SPTA1: variants seen among roughly 807,000 people sequenced by gnomAD.
The protein encoded by SPTA1 is spectrin alpha chain, erythrocytic 1.
Under a neutral mutation model 324.7 loss-of-function variants are expected in SPTA1, and 177 were observed. That is an observed-to-expected ratio of 0.55 (90% CI 0.48 to 0.62). The LOEUF is 0.62. Ranked by LOEUF, SPTA1 falls within the 20% of genes least tolerant of loss-of-function variation. The probability of loss-of-function intolerance (pLI) is 0.00; values close to 1 mark genes in which losing one functional copy is unlikely to be tolerated. For missense variants in SPTA1, 3,162 were observed against 2,883.6 expected (o/e 1.10, Z -2.21); for synonymous variants, 1,195 against 1,041.3 (o/e 1.15, Z -2.84).
intron 51 of SPTA1, 151 bp from the exon 52 acceptor site, chr1:158,611,540 A>C (rs1649261379): frequency 1.3e-6 from 1 of 771,666 alleles, no homozygotes. Context: ...TTATCTCATA[A>C]ATTTATAATT....
chr1:158,645,515 T>G lies in SPTA1; in HGVS notation c.3976A>C (p.Ile1326Leu), dbSNP rs769058671. Residue 1326 changes from isoleucine (I) to leucine (L), a missense_variant, in exon 28 of 52, where the codon ATC becomes CTC. Physicochemically the swap from Ile to Leu is conservative, Grantham distance 5. Coordinates refer to ENST00000643759, the MANE Select transcript of SPTA1 (RefSeq NM_003126.4). ...ELAEDLTGIE[I>L]LLERHQEHRA... is the part of the protein sequence containing the mutation. ...TTTACCTGATGTCTCTCCAGCAAGA[T>G]CTCTATGCCAGTTAAGTCTTCGGCC... 2.5e-6 allele frequency: 4 copies of G among 1,613,974 alleles called. No homozygotes were observed. Among genetic ancestry groups the G allele is most frequent in the Admixed American group, 1.7e-5 (1 of 59,988 alleles).
chr1:158,613,817 G>A lies in SPTA1; in HGVS notation c.6893C>T (p.Ser2298Phe). The change falls in exon 50 of 52, where the codon TCC becomes TTC. Residue 2298 changes from serine to phenylalanine, a missense_variant. Transcript: ENST00000643759. ...GTAGTAATTGAGTCCTCTCAGGCAGGACCGGAACTCTTTGTGAGTCAGGCG... is the reference window on the plus strand; with the variant it reads ...GTAGTAATTGAGTCCTCTCAGGCAGAACCGGAACTCTTTGTGAGTCAGGCG... The part of the protein sequence containing the change: ...TGRLTHKEFR[S>F]CLRGLNYYLP... 3 of 1,613,784 alleles carry A rather than the reference G, an allele frequency of 1.9e-6. No individual in the cohort carries two copies. The highest frequency in any genetic ancestry group is 2.5e-6 in the Non-Finnish European group (3 of 1,179,888).
At chr1:158,614,398 G>A in intron 48 of SPTA1, 92 bp from the exon 49 acceptor site, 2 of 943,198 alleles carry the variant, frequency 2.1e-6, no homozygotes, top group East Asian at 2.4e-5. Context: ...GAATTTTAAT[G>A]GACAATTTGC....
chr1:158,642,259 T>G (rs914948326), intron 33 of SPTA1, 152 bp downstream of exon 33: 7 of 750,584 alleles, frequency 9.3e-6, no homozygotes, highest in Non-Finnish European at 1.3e-5. Context: ...TGTATACATA[T>G]GTAACAAACC....
Position 158,686,649 on chromosome 1 carries a change from A to G in SPTA1, c.-132T>C. The G allele has an allele frequency of 1.4e-6, 1 of 721,328 alleles. No individual in the cohort carries two copies. Among genetic ancestry groups the G allele is most frequent in the East Asian group, 2.6e-5 (1 of 38,584 alleles). 44.7% of individuals were successfully genotyped at this position (721,328 alleles called of 1,614,324 possible). ...AACGTTAAGTATGTGGGGGAAAAAA[A>G]AAAACCTCTTGCTTGGTCCTAGAAT... On this transcript the variant is annotated 5_prime_UTR_variant, in exon 1 of 52. Coordinates refer to ENST00000643759, the MANE Select transcript of SPTA1 (RefSeq NM_003126.4).
intron 42 of SPTA1, 122 bp downstream of exon 42, chr1:158,626,024 G>T: frequency 1.3e-6 from 1 of 759,982 alleles, no homozygotes; most frequent in Non-Finnish European, 2.2e-6. Context: ...TTAATATTAA[G>T]AAGGGAAAAT....
intron 25 of SPTA1, 62 bp downstream of exon 25, chr1:158,649,794 G>T: frequency 7.7e-7 from 1 of 1,306,764 alleles, no homozygotes; most frequent in Non-Finnish European, 1.1e-6. Flanking sequence ...CATAGTAATA[G>T]ACTTAGAAGT....
Position 158,619,332 on chromosome 1 carries a change from T to C in SPTA1, c.6420A>G (p.Glu2140=). Residue 2140 remains glutamate, a splice_region_variant and synonymous_variant, in exon 45 of 52, where the codon GAA becomes GAG. Coordinates refer to ENST00000643759, the MANE Select transcript of SPTA1 (RefSeq NM_003126.4). ...TWKHLSDIIE[E]REQELQKEEA... ...CTTCCTTTTGCAGCTCCTGCTCCCGTTCCTAAAACCCCAAATCACAGACAA... is the reference window on the plus strand; with the variant it reads ...CTTCCTTTTGCAGCTCCTGCTCCCGCTCCTAAAACCCCAAATCACAGACAA... 1 of 1,614,088 alleles carries C rather than the reference T, an allele frequency of 6.2e-7. No individual in the cohort carries two copies. Among genetic ancestry groups the C allele is most frequent in the Non-Finnish European group, 8.5e-7 (1 of 1,179,938 alleles).
chr1:158,624,867 A>G (rs574924173), intron 42 of SPTA1, among the ~76,000 whole-genome samples: 28 of 152,352 alleles, frequency 1.8e-4, no homozygotes, highest in South Asian at 6.2e-4. Flanking sequence ...ATCAGGTAGG[A>G]GCAGCCCTGG....
chr1:158,663,134 C>T (rs567781390), intron 16 of SPTA1, among the ~76,000 whole-genome samples, 189 bp from the exon 17 acceptor site: 1 of 152,190 alleles, frequency 6.6e-6, no homozygotes, highest in South Asian at 2.1e-4. Context: ...CAGGTAAGGG[C>T]TATTCATACG....
rs142815524 is a variant in SPTA1 at position 158,643,105 on chromosome 1, A to G, written c.4443-129T>C. The G allele has an allele frequency of 6.4e-4, 874 of 1,375,680 alleles. 4 individuals carry two copies. In the East Asian group the frequency reaches 0.011, roughly 18 times the overall value. 85.2% of individuals were successfully genotyped at this position (1,375,680 alleles called of 1,614,324 possible). On this transcript the variant is annotated intron_variant, in intron 31 of 51. Coordinates refer to ENST00000643759, the MANE Select transcript of SPTA1 (RefSeq NM_003126.4). ...CACATAGTCTTATTATTTTCATTAT[A>G]AAATGCAGTGCTAAAGCCAGTTAAT...
chr1:158,661,526 A>T (rs960880945), intron 17 of SPTA1, 117 bp from the exon 18 acceptor site: 2 of 1,334,506 alleles, frequency 1.5e-6, no homozygotes, highest in Non-Finnish European at 2.1e-6. Flanking sequence ...CTAACCATTG[A>T]GTAAGATTCT....
chr1:158,674,562 A>T lies in SPTA1; in HGVS notation c.1226T>A (p.Leu409Gln). ...TACCTTATGCTGCTGATGCCTGTCC[A>T]GCAGAACTTCTCCACCAGCCACATC... ...PTDVAGGEVL[L>Q]DRHQQHKHEI... Residue 409 changes from leucine (L) to glutamine (Q), a missense_variant, in exon 9 of 52, where the codon CTG becomes CAG. Leu to Gln is a moderately radical substitution (Grantham distance 113). Coordinates refer to ENST00000643759, the MANE Select transcript of SPTA1 (RefSeq NM_003126.4). 1 of 1,614,088 alleles carries T rather than the reference A, an allele frequency of 6.2e-7. No homozygotes were observed. The highest frequency in any genetic ancestry group is 1.1e-5 in the South Asian group (1 of 91,084).
At position 158,627,194 on chromosome 1, in the gene SPTA1, G is replaced by A. The variant is rs186314050; in HGVS notation, c.5665-187C>T. ...TTTAATGGTCTTTATATAGCAGTTA[G>A]ATCAATGAGGATTTATTAAAAACTA... On this transcript the variant is annotated intron_variant, in intron 40 of 51. Coordinates refer to ENST00000643759, the MANE Select transcript of SPTA1 (RefSeq NM_003126.4). 4.6e-5 allele frequency among the ~76,000 whole-genome samples: 7 copies of A among 152,128 alleles called. No individual in the cohort carries two copies. The East Asian group carries it at 1.4e-3, about 29-fold the overall frequency.
At chr1:158,647,486 T>C in intron 27 of SPTA1, 53 bp downstream of exon 27, 11 of 1,601,988 alleles carry the variant, frequency 6.9e-6, no homozygotes, top group South Asian at 1.1e-5. Flanking sequence ...CCCAGACTGC[T>C]CCCAGACAGT....
At chr1:158,611,612 T>G in intron 51 of SPTA1, 1 of 471,480 alleles carries the variant, frequency 2.1e-6, no homozygotes, top group Non-Finnish European at 3.8e-6. Context: ...TTACTCACTT[T>G]GATTATTCTG....
rs1651041346 is a variant in SPTA1, at chr1:158,635,993, A to G, written c.5352T>C (p.Ala1784=). ...GCAACTGGATCTCCTCTTGCCCCAC[A>G]GCAGCCTTGTCTTTCAGCTTCTCTG... ...DMAEKLKDKA[A]VGQEEIQLRL... is the part of the protein sequence containing the mutation. Residue 1784 remains alanine (A), a synonymous_variant, in exon 38 of 52, where the codon GCT becomes GCC. Coordinates refer to ENST00000643759, the MANE Select transcript of SPTA1 (RefSeq NM_003126.4). The G allele has an allele frequency of 6.2e-7, 1 of 1,614,180 alleles. No individual in the cohort carries two copies. The highest frequency in any genetic ancestry group is 1.1e-5 in the South Asian group (1 of 91,090).
chr1:158,653,089 G>A (rs907245138), intron 22 of SPTA1, among the ~76,000 whole-genome samples, 185 bp downstream of exon 22: 2 of 152,136 alleles, frequency 1.3e-5, no homozygotes, highest in African/African-American at 4.8e-5. Context: ...GAATGATTCT[G>A]GGGTTGCCTT....
At position 158,669,104 on chromosome 1, in the gene SPTA1, G is replaced by T. The variant is rs2101907799; in HGVS notation, c.1833+304C>A. Among the ~76,000 whole-genome samples, 2 of 152,202 alleles carry T rather than the reference G, an allele frequency of 1.3e-5. 1 individual carries two copies. Among genetic ancestry groups the T allele is most frequent in the Admixed American group, 1.3e-4 (2 of 15,282 alleles). ...GAGGGGAGCAGAAAAGGTGAGAAAA[G>T]GTCAATAAGCAGCTCAATAAGGAAC... is the stretch of plus-strand genomic sequence containing the variant. On this transcript the variant is annotated intron_variant, in intron 14 of 51. Coordinates refer to ENST00000643759, the MANE Select transcript of SPTA1 (RefSeq NM_003126.4).
Sources: allele counts gnomAD v4.1 joint callset (sites outside exome capture counted in the v4.1 genomes callset), GRCh38; gene constraint gnomAD v4.1.1; transcripts MANE v1.5; gene names NCBI Gene and HGNC (gene_info 2026-07-23, HGNC 2026-07-21).